TXNRD1: variants seen among roughly 807,000 people sequenced by gnomAD.
The protein encoded by TXNRD1 is thioredoxin reductase 1, cytoplasmic.
Under a neutral mutation model 80.3 loss-of-function variants are expected in TXNRD1, and 57 were observed. The ratio of observed to expected loss-of-function variants is 0.71; its 90% confidence interval spans 0.57 to 0.89. The LOEUF is 0.89. Among genes scored for constraint, TXNRD1 ranks in the 40% least tolerant of loss-of-function variants. TXNRD1 has a pLI of 0.00. For missense variants in TXNRD1, 730 were observed against 803.0 expected (o/e 0.91, Z 1.10); for synonymous variants, 291 against 285.2 (o/e 1.02, Z -0.20).
chr12:104,347,529 G>A (rs2036533101), intron 16 of TXNRD1, among the ~76,000 whole-genome samples: 1 of 152,146 alleles, frequency 6.6e-6, no homozygotes, highest in African/African-American at 2.4e-5. Flanking sequence ...GTTGGTTCAG[G>A]TACCTTGAAA....
intron 16 of TXNRD1, among the ~76,000 whole-genome samples, chr12:104,339,772 T>C (rs1258078859): frequency 6.6e-6 from 1 of 152,230 alleles, no homozygotes; most frequent in East Asian, 1.9e-4. Context: ...GAGTTGAATA[T>C]TGTAATACTT....
chr12:104,281,707 T>C (rs940382828), intron 3 of TXNRD1, among the ~76,000 whole-genome samples: 2 of 151,944 alleles, frequency 1.3e-5, no homozygotes, highest in African/African-American at 4.8e-5. Context: ...AGCCCGGCCA[T>C]ATCTCCACTT....
intron 1 of TXNRD1, among the ~76,000 whole-genome samples, chr12:104,216,141 G>C (rs1011977237): frequency 9.2e-5 from 14 of 152,236 alleles, no homozygotes; most frequent in African/African-American, 3.4e-4. Context: ...GGAAGGAGGA[G>C]CGGGCCCGCC....
At chr12:104,257,660 C>T (rs898342108) in intron 2 of TXNRD1, among the ~76,000 whole-genome samples, 1 of 152,136 alleles carries the variant, frequency 6.6e-6, no homozygotes, top group Non-Finnish European at 1.5e-5. Flanking sequence ...CCACCCGTCT[C>T]AGCCTCCCAA....
At chr12:104,266,432 A>C (rs914944904) in intron 3 of TXNRD1, among the ~76,000 whole-genome samples, 6 of 149,988 alleles carry the variant, frequency 4.0e-5, no homozygotes, top group African/African-American at 1.5e-4. Context: ...AGGCTGAGGT[A>C]GGAGAATCGC....
chr12:104,231,611 C>A (rs2032625600), intron 1 of TXNRD1, among the ~76,000 whole-genome samples: 1 of 152,116 alleles, frequency 6.6e-6, no homozygotes, highest in East Asian at 1.9e-4. Flanking sequence ...TCTTTAAGTA[C>A]CTGGTGTAGT....
rs1251008887 is a variant in TXNRD1, at chr12:104,348,608, C to T, written c.*187C>T. The stretch of plus-strand genomic sequence containing the variant: ...TGAATAGAAGGCAGGCAGCATCACA[C>T]TGGGGTCACTGACAGACTTGAAGCT... On this transcript the variant is annotated 3_prime_UTR_variant, in exon 17 of 17. Transcript: ENST00000525566. 4 of 580,506 alleles carry T rather than the reference C, an allele frequency of 6.9e-6. No homozygotes were observed. The East Asian group carries it at 1.1e-4, about 17-fold the overall frequency. The allele number at this position is 580,506 out of a possible 1,614,324, so 36.0% of individuals were successfully genotyped here. A position where few individuals can be genotyped will look rare whatever the true frequency, so the allele number is the denominator to read the frequency against.
chr12:104,280,328 T>G (rs1388241571), intron 3 of TXNRD1: 1 of 152,244 alleles, frequency 6.6e-6, no homozygotes, highest in Non-Finnish European at 1.5e-5. Flanking sequence ...GATCTTCCTT[T>G]TTGGAGCACT....
chr12:104,234,375 A>G (rs2032688457), intron 1 of TXNRD1, among the ~76,000 whole-genome samples: 1 of 152,102 alleles, frequency 6.6e-6, no homozygotes, highest in Non-Finnish European at 1.5e-5. Flanking sequence ...GCTCACTGCA[A>G]CCTCTGCCTC....
chr12:104,273,697 C>A (rs535072857), intron 3 of TXNRD1, among the ~76,000 whole-genome samples: 9 of 152,240 alleles, frequency 5.9e-5, no homozygotes, highest in Admixed American at 5.9e-4. Flanking sequence ...CCGACCTGCG[C>A]GTGGCAGCCT....
At chr12:104,242,159 G>C (rs566431691) in intron 1 of TXNRD1, among the ~76,000 whole-genome samples, 23 of 151,094 alleles carry the variant, frequency 1.5e-4, no homozygotes, top group Non-Finnish European at 3.1e-4. Flanking sequence ...GAGTGGTCTT[G>C]AACACCTGAC....
At chr12:104,285,767 G>C (rs970552588) in intron 3 of TXNRD1, among the ~76,000 whole-genome samples, 1 of 152,202 alleles carries the variant, frequency 6.6e-6, no homozygotes, top group Admixed American at 6.5e-5. Context: ...TTGGGAGCCA[G>C]GAGTAAATGT....
chr12:104,265,713 C>G, intron 3 of TXNRD1: 1 of 1,600,288 alleles, frequency 6.2e-7, no homozygotes, highest in South Asian at 1.1e-5. Flanking sequence ...TCGCGGCCAG[C>G]AAGTGCCGCC....
At chr12:104,224,448 G>A (rs540488234) in intron 1 of TXNRD1, among the ~76,000 whole-genome samples, 1 of 152,130 alleles carries the variant, frequency 6.6e-6, no homozygotes, top group Non-Finnish European at 1.5e-5. Context: ...GAGTGCAGTG[G>A]CGCAATCTCG....
At chr12:104,336,063 T>A (rs868779342) in intron 15 of TXNRD1, among the ~76,000 whole-genome samples, 2 of 152,206 alleles carry the variant, frequency 1.3e-5, no homozygotes, top group Admixed American at 6.5e-5. Context: ...ACATTAGATA[T>A]CACTTTTACT....
intron 4 of TXNRD1, chr12:104,304,739 G>A (rs745652267): frequency 1.2e-6 from 2 of 1,613,758 alleles, no homozygotes; most frequent in Non-Finnish European, 1.7e-6. Flanking sequence ...TGTAAGAGAT[G>A]GTTTTGCAAG....
At position 104,348,448 on chromosome 12, in the gene TXNRD1, A is replaced by G. The variant is rs2036561293; in HGVS notation, c.*27A>G. 1 of 1,610,474 alleles carries G rather than the reference A, an allele frequency of 6.2e-7. No homozygotes were observed. Among genetic ancestry groups the G allele is most frequent in the African/African-American group, 1.3e-5 (1 of 74,798 alleles). Reference sequence around the variant, plus strand: ...CCCCAGTGTGGATGCTGTTGCCAAGACTGCAAACCACTGGCTCGTTTCCGT... The same window carrying G: ...CCCCAGTGTGGATGCTGTTGCCAAGGCTGCAAACCACTGGCTCGTTTCCGT... On this transcript the variant is annotated 3_prime_UTR_variant, in exon 17 of 17. Transcript: ENST00000525566.
intron 1 of TXNRD1, among the ~76,000 whole-genome samples, chr12:104,236,772 G>A (rs183041026): frequency 0.011 from 1,277 of 116,262 alleles, 23 homozygotes; most frequent in African/African-American, 0.041. Flanking sequence ...TGGGCAACAA[G>A]AGTGAAAACT....
At chr12:104,307,560 G>A (rs917582986) in intron 4 of TXNRD1, among the ~76,000 whole-genome samples, 1 of 152,222 alleles carries the variant, frequency 6.6e-6, no homozygotes, top group Non-Finnish European at 1.5e-5. Flanking sequence ...GTGATTGGTC[G>A]AAGTCACCTG....
Sources: gnomAD v4.1 joint callset for allele counts (sites outside exome capture counted in the v4.1 genomes callset) on GRCh38, gnomAD v4.1.1 for gene constraint, MANE v1.5 for transcripts, NCBI Gene and HGNC (gene_info 2026-07-23, HGNC 2026-07-21) for gene names.